Variants in ADAM10 observed in about 807,000 individuals in gnomAD.
ADAM10 encodes ADAM metallopeptidase domain 10, also known as disintegrin and metalloproteinase domain-containing protein 10.
In ADAM10, 17 loss-of-function variants were observed where a neutral mutation model predicts 90.1. The ratio of observed to expected loss-of-function variants is 0.19; its 90% confidence interval spans 0.13 to 0.28. The LOEUF (loss-of-function observed/expected upper bound fraction) is 0.28. Ranked by LOEUF, ADAM10 falls within the 10% of genes least tolerant of loss-of-function variation. The pLI, the probability that ADAM10 is intolerant of heterozygous loss-of-function variation, is 1.00. For synonymous variants in ADAM10, 310 were observed against 298.6 expected, an observed-to-expected ratio of 1.04 and a Z score of -0.40; for missense variants, 610 against 914.3, an observed-to-expected ratio of 0.67 and a Z score of 4.29.
chr15:58,728,908 A>T (rs1366640085), intron 1 of ADAM10, among the ~76,000 whole-genome samples: 1 of 152,248 alleles, frequency 6.6e-6, no homozygotes, highest in East Asian at 1.9e-4. Flanking sequence ...ATGGGGAAAT[A>T]AAAGATTAAA....
At chr15:58,597,960 A>G (rs1895002389) in intron 15 of ADAM10, among the ~76,000 whole-genome samples, 1 of 152,192 alleles carries the variant, frequency 6.6e-6, no homozygotes, top group African/African-American at 2.4e-5. Context: ...TATGTTAATT[A>G]AAACAGCACA....
intron 5 of ADAM10, among the ~76,000 whole-genome samples, chr15:58,663,158 G>C (rs1897008643): frequency 6.6e-6 from 1 of 152,198 alleles, no homozygotes; most frequent in Admixed American, 6.5e-5. Flanking sequence ...AAGTTTCAAA[G>C]TTTTCATTTT....
chr15:58,659,202 G>A lies in ADAM10; in HGVS notation c.585+5895C>T, dbSNP rs1053131667. On this transcript the variant is annotated intron_variant, in intron 5 of 15. Coordinates refer to ENST00000260408, the MANE Select transcript of ADAM10 (RefSeq NM_001110.4). ...GCAGGAGAATCACTTGAACCCGGGA[G>A]GTGGAGGTTGCAGTGGGCCGAGATC... Among the ~76,000 whole-genome samples the A allele has an allele frequency of 4.6e-5, 7 of 150,764 alleles. No homozygotes were observed. The East Asian group carries it at 9.8e-4, about 21-fold the overall frequency.
intron 2 of ADAM10, among the ~76,000 whole-genome samples, chr15:58,710,103 C>G (rs184408261): frequency 3.1e-4 from 47 of 152,142 alleles, no homozygotes; most frequent in African/African-American, 1.1e-3. Context: ...CATGGTGAAA[C>G]CCCATCTCTA....
intron 5 of ADAM10, among the ~76,000 whole-genome samples, chr15:58,655,722 T>TATATATATATA (rs1896807094): frequency 2.0e-5 from 2 of 98,362 alleles, no homozygotes; most frequent in Non-Finnish European, 4.0e-5. Flanking sequence ...TATATATATA[T>TATATATATATA]ATATATATAT....
chr15:58,717,968 C>G (rs1400337471), intron 1 of ADAM10, among the ~76,000 whole-genome samples: 1 of 151,986 alleles, frequency 6.6e-6, no homozygotes, highest in Non-Finnish European at 1.5e-5. Context: ...CTTTATCAAG[C>G]TGAGCAAGTT....
chr15:58,694,175 C>T (rs1181001667), intron 2 of ADAM10, among the ~76,000 whole-genome samples: 1 of 152,178 alleles, frequency 6.6e-6, no homozygotes, highest in Non-Finnish European at 1.5e-5. Context: ...CCAGGCCAGG[C>T]ACAGTGGCTC....
At position 58,643,275 on chromosome 15, in the gene ADAM10, A is replaced by G. The variant is rs149231332; in HGVS notation, c.828+611T>C. Among the ~76,000 whole-genome samples, 538 of 152,240 alleles carry G rather than the reference A, an allele frequency of 3.5e-3. 4 individuals carry two copies. The highest frequency in any genetic ancestry group is 0.012 in the African/African-American group (515 of 41,560). On this transcript the variant is annotated intron_variant, in intron 7 of 15. Transcript: ENST00000260408. ...CGGATCAGCTTTTCTCAAAATGCCT[A>G]AAGTATTTTGGAATCTGTTGATGTT...
At chr15:58,659,994 C>T (rs1024464637) in intron 5 of ADAM10, among the ~76,000 whole-genome samples, 3 of 152,176 alleles carry the variant, frequency 2.0e-5, no homozygotes, top group Non-Finnish European at 4.4e-5. Flanking sequence ...TCCCAAAGTG[C>T]TGGGATTACA....
intron 14 of ADAM10, among the ~76,000 whole-genome samples, chr15:58,602,957 T>C (rs1895156013): frequency 6.6e-6 from 1 of 152,236 alleles, no homozygotes; most frequent in South Asian, 2.1e-4. Context: ...AAATCTATTT[T>C]TAAATGCTGG....
chr15:58,726,623 A>AG (rs1250619085), intron 1 of ADAM10, among the ~76,000 whole-genome samples: 1 of 150,042 alleles, frequency 6.7e-6, no homozygotes, highest in Admixed American at 6.7e-5. Flanking sequence ...GCAAGAAAAG[A>AG]GGGGGACAAG....
In ADAM10 at chr15:58,745,232, T is replaced by C. The variant is rs1349703902; in HGVS notation, c.55+4248A>G. Among the ~76,000 whole-genome samples, 16 of 152,338 alleles carry C rather than the reference T, an allele frequency of 1.1e-4. No homozygotes were observed. In the South Asian group the frequency reaches 2.9e-3, roughly 28 times the overall value. Reference sequence around the variant, plus strand: ...AGTTTGTTATATGGACATCATCTCATATCTGAACCACTGATCTGCCAACAA... The same window carrying C: ...AGTTTGTTATATGGACATCATCTCACATCTGAACCACTGATCTGCCAACAA... On this transcript the variant is annotated intron_variant, in intron 1 of 15. Coordinates refer to ENST00000260408, the MANE Select transcript of ADAM10 (RefSeq NM_001110.4).
At chr15:58,707,732 C>T (rs1417289851) in intron 2 of ADAM10, among the ~76,000 whole-genome samples, 7 of 152,270 alleles carry the variant, frequency 4.6e-5, no homozygotes, top group Non-Finnish European at 8.8e-5. Context: ...AAACACTTTC[C>T]AACCTCGCAC....
At chr15:58,617,957 G>A (rs1312869944) in intron 11 of ADAM10, among the ~76,000 whole-genome samples, 1 of 147,976 alleles carries the variant, frequency 6.8e-6, no homozygotes, top group East Asian at 1.9e-4. Context: ...CTGTGAAAAC[G>A]GCCATACTAC....
At chr15:58,688,786 A>ATATATATATATATATATATATATCTC in intron 2 of ADAM10, among the ~76,000 whole-genome samples, 254 of 122,122 alleles carry the variant, frequency 2.1e-3, no homozygotes, top group East Asian at 5.2e-3. Context: ...ATATATATAT[A>ATATATATATATATATATATATATCTC]TCTCTCTCTC....
At chr15:58,628,032 T>A in intron 9 of ADAM10, 149 bp from the exon 10 acceptor site, 1 of 806,432 alleles carries the variant, frequency 1.2e-6, no homozygotes, top group Non-Finnish European at 1.9e-6. Context: ...ACACCTTGAG[T>A]AGGAAAAGAA....
rs1479799716 is a variant in ADAM10, at chr15:58,729,725, A to G, written c.56-11998T>C. Among the ~76,000 whole-genome samples, 4 of 152,320 alleles carry G rather than the reference A, an allele frequency of 2.6e-5. No homozygotes were observed. The East Asian group carries it at 7.7e-4, about 29-fold the overall frequency. ...ACGCTTGTAATCCCAGCACTTTGGG[A>G]GGCCAAGGCAGGCGGATCACTTGAG... On this transcript the variant is annotated intron_variant, in intron 1 of 15. Coordinates refer to ENST00000260408, the MANE Select transcript of ADAM10 (RefSeq NM_001110.4).
chr15:58,688,304 G>A (rs1409368626), intron 2 of ADAM10, among the ~76,000 whole-genome samples: 2 of 152,028 alleles, frequency 1.3e-5, no homozygotes, highest in African/African-American at 4.8e-5. Flanking sequence ...AAGGTGGGAA[G>A]ATTGCTTGAG....
At chr15:58,667,495 A>T (rs1897105015) in intron 4 of ADAM10, among the ~76,000 whole-genome samples, 1 of 152,176 alleles carries the variant, frequency 6.6e-6, no homozygotes, top group South Asian at 2.1e-4. Flanking sequence ...CTTGGCTATG[A>T]GATGACCCTC....
Sources: allele counts gnomAD v4.1 joint callset (sites outside exome capture counted in the v4.1 genomes callset), GRCh38; gene constraint gnomAD v4.1.1; transcripts MANE v1.5; gene names NCBI Gene and HGNC (gene_info 2026-07-23, HGNC 2026-07-21).